Variants in GCH1 observed in about 807,000 individuals in gnomAD.
GCH1 encodes GTP cyclohydrolase 1.
A neutral mutation model predicts 25.9 loss-of-function variants in GCH1; 5 were observed. The observed-to-expected ratio is 0.19, with a 90% CI of 0.10 to 0.41. GCH1 has a LOEUF of 0.41. Ranked by LOEUF, GCH1 falls within the 10% of genes least tolerant of loss-of-function variation. GCH1 has a pLI of 1.00. For synonymous variants in GCH1, 159 were observed against 129.6 expected, an observed-to-expected ratio of 1.23 and a Z score of -1.54; for missense variants, 261 against 336.5, an observed-to-expected ratio of 0.78 and a Z score of 1.75.
At chr14:54,867,044 G>A (rs560392393) in intron 1 of GCH1, among the ~76,000 whole-genome samples, 3 of 152,162 alleles carry the variant, frequency 2.0e-5, no homozygotes, top group Admixed American at 1.3e-4. Context: ...AAGTTTCTTG[G>A]ATTTCTCCCC....
intron 5 of GCH1, among the ~76,000 whole-genome samples, chr14:54,844,656 A>C (rs2039612942): frequency 6.6e-6 from 1 of 152,242 alleles, no homozygotes; most frequent in Non-Finnish European, 1.5e-5. Context: ...CAACCTGGTG[A>C]CATTAGATAC....
chr14:54,889,430 CTGATTCCTGCTT>C (rs2040396894), intron 1 of GCH1, among the ~76,000 whole-genome samples: 2 of 152,304 alleles, frequency 1.3e-5, no homozygotes, highest in South Asian at 4.1e-4. Context: ...GAACTGAGTT[CTGATTCCTGCTT>C]AGGACAAATA....
intron 1 of GCH1, among the ~76,000 whole-genome samples, chr14:54,897,004 CTTTTT>C (rs1257943051): frequency 8.6e-6 from 1 of 115,940 alleles, no homozygotes; most frequent in Non-Finnish European, 1.6e-5. Flanking sequence ...TTCTACTCCA[CTTTTT>C]GTTTTTTTTT....
At chr14:54,886,384 C>A (rs373201513) in intron 1 of GCH1, among the ~76,000 whole-genome samples, 1 of 150,644 alleles carries the variant, frequency 6.6e-6, no homozygotes, top group African/African-American at 2.4e-5. Flanking sequence ...AGGCCGAGGC[C>A]GGTGGATCAC....
At chr14:54,860,225 T>C (rs183559160) in intron 2 of GCH1, among the ~76,000 whole-genome samples, 2 of 152,276 alleles carry the variant, frequency 1.3e-5, no homozygotes, top group East Asian at 1.9e-4. Context: ...CAAGAGTCAA[T>C]TGCATGGCCC....
chr14:54,884,406 C>A (rs2040316553), intron 1 of GCH1, among the ~76,000 whole-genome samples: 1 of 152,124 alleles, frequency 6.6e-6, no homozygotes, highest in South Asian at 2.1e-4. Flanking sequence ...CTGTGTAGGT[C>A]TATGCATGGA....
At chr14:54,854,727 A>G (rs948676288) in intron 3 of GCH1, among the ~76,000 whole-genome samples, 1 of 152,244 alleles carries the variant, frequency 6.6e-6, no homozygotes, top group African/African-American at 2.4e-5. Context: ...GGAGCTAAGA[A>G]CAGGAAGTGT....
intron 1 of GCH1, among the ~76,000 whole-genome samples, chr14:54,871,860 TC>T (rs1264733858): frequency 6.6e-6 from 1 of 152,176 alleles, no homozygotes; most frequent in Non-Finnish European, 1.5e-5. Flanking sequence ...AAGGACCAAA[TC>T]TATATCTGAT....
At chr14:54,878,806 C>T (rs183520096) in intron 1 of GCH1, among the ~76,000 whole-genome samples, 135 of 152,274 alleles carry the variant, frequency 8.9e-4, no homozygotes, top group African/African-American at 3.2e-3. Flanking sequence ...TCCTGTCACC[C>T]AGGCTGGAGT....
intron 1 of GCH1, chr14:54,885,877 A>G: frequency 5.5e-6 from 1 of 183,252 alleles, no homozygotes; most frequent in Non-Finnish European, 1.1e-5. Context: ...CGGCAGAGCT[A>G]GGCTCCATCT....
In GCH1 at chr14:54,845,795, G is replaced by A; in HGVS notation, c.599C>T (p.Ala200Val). The change falls in exon 5 of 6, where the codon GCT (alanine) becomes GTT (valine). Residue 200 changes from alanine to valine, a missense_variant. Coordinates refer to ENST00000491895, the MANE Select transcript of GCH1 (RefSeq NM_000161.3). ...TGCTTCAACCACTACCCCGACTCCA[G>A]CAGGCCGCAAGGCTTCCGTGATTGC... ...AVAITEALRP[A>V]GVGVVVEATH... 6.2e-7 allele frequency: 1 copy of A among 1,608,624 alleles called. No individual in the cohort carries two copies. The highest frequency in any genetic ancestry group is 8.5e-7 in the Non-Finnish European group (1 of 1,174,952).
At chr14:54,876,345 G>A (rs2040159900) in intron 1 of GCH1, among the ~76,000 whole-genome samples, 1 of 152,118 alleles carries the variant, frequency 6.6e-6, no homozygotes, top group African/African-American at 2.4e-5. Flanking sequence ...CCTGTTGTGG[G>A]GTGCGGGGAG....
At chr14:54,874,469 C>G (rs1247873952) in intron 1 of GCH1, among the ~76,000 whole-genome samples, 1 of 152,194 alleles carries the variant, frequency 6.6e-6, no homozygotes, top group Non-Finnish European at 1.5e-5. Context: ...TCCTATTCAA[C>G]ATAGTGCTGG....
intron 1 of GCH1, among the ~76,000 whole-genome samples, chr14:54,897,651 C>T (rs1292224294): frequency 3.9e-5 from 6 of 151,992 alleles, no homozygotes; most frequent in African/African-American, 1.5e-4. Flanking sequence ...AGATAGGGTA[C>T]ACTGATTCAG....
chr14:54,865,081 T>C (rs962584271), intron 2 of GCH1, among the ~76,000 whole-genome samples: 14 of 151,682 alleles, frequency 9.2e-5, no homozygotes, highest in Non-Finnish European at 1.8e-4. Flanking sequence ...TACTTAAACC[T>C]CATTATTTTA....
At chr14:54,867,443 C>T (rs921803150) in intron 1 of GCH1, among the ~76,000 whole-genome samples, 3 of 151,866 alleles carry the variant, frequency 2.0e-5, no homozygotes, top group Admixed American at 1.3e-4. Flanking sequence ...CAAAAATAAG[C>T]CAGGCGTGGT....
In GCH1 at chr14:54,902,415, G is replaced by GC. The variant is rs1595031221; in HGVS notation, c.248dup (p.Glu84ArgfsTer40). On this transcript the variant is annotated frameshift_variant, in exon 1 of 6. Coordinates refer to ENST00000491895, the MANE Select transcript of GCH1 (RefSeq NM_000161.3). LOFTEE classifies it high-confidence loss of function. The stretch of plus-strand genomic sequence containing the variant: ...GCAGCCCTTGCCGCTGGGGGTTCTC[G>GC]CCCAGCGAGCTCAGGATGGACGAGT... 1 of 1,612,876 alleles carries GC rather than the reference G, an allele frequency of 6.2e-7. No homozygotes were observed. Among genetic ancestry groups the GC allele is most frequent in the African/African-American group, 1.3e-5 (1 of 74,912 alleles).
intron 5 of GCH1, among the ~76,000 whole-genome samples, chr14:54,844,808 T>C (rs1454768825): frequency 6.6e-6 from 1 of 152,206 alleles, no homozygotes; most frequent in Non-Finnish European, 1.5e-5. Flanking sequence ...GACAAAATAT[T>C]AGAAAAACTC....
At chr14:54,875,233 T>A (rs1429528879) in intron 1 of GCH1, among the ~76,000 whole-genome samples, 1 of 152,248 alleles carries the variant, frequency 6.6e-6, no homozygotes, top group Non-Finnish European at 1.5e-5. Context: ...AAGGAATCCC[T>A]GTTTAATAAA....
Sources: allele counts gnomAD v4.1 joint callset (sites outside exome capture counted in the v4.1 genomes callset), GRCh38; gene constraint gnomAD v4.1.1; transcripts MANE v1.5; gene names NCBI Gene and HGNC (gene_info 2026-07-23, HGNC 2026-07-21).